The following TENM2 variants were observed in gnomAD, a reference collection of about 807,000 sequenced individuals.
The protein encoded by TENM2 is teneurin transmembrane protein 2.
Under a neutral mutation model 245.2 loss-of-function variants are expected in TENM2, and 52 were observed. The observed-to-expected ratio is 0.21, with a 90% CI of 0.17 to 0.27. The LOEUF (loss-of-function observed/expected upper bound fraction) is 0.27. Ranked by LOEUF, TENM2 falls within the 10% of genes least tolerant of loss-of-function variation. The probability of loss-of-function intolerance (pLI) is 1.00; values close to 1 mark genes in which losing one functional copy is unlikely to be tolerated. For synonymous variants in TENM2, 1,363 were observed against 1,438.9 expected (o/e 0.95, Z 1.19); for missense variants, 3,046 against 3,666.8 (o/e 0.83, Z 4.37).
At chr5:168,004,557 A>ACACACC (rs1491164482) in intron 5 of TENM2, among the ~76,000 whole-genome samples, 9 of 147,436 alleles carry the variant, frequency 6.1e-5, no homozygotes, top group African/African-American at 2.2e-4. Flanking sequence ...ACACACACAC[A>ACACACC]CCACTATCCC....
intron 25 of TENM2, among the ~76,000 whole-genome samples, chr5:168,231,714 A>AGGCAATATAG (rs1344663303): frequency 1.3e-5 from 2 of 151,962 alleles, no homozygotes; most frequent in Non-Finnish European, 2.9e-5. Context: ...AGACCAGCCT[A>AGGCAATATAG]GGCAATATAG....
At chr5:168,075,066 G>GTT (rs1358336846) in intron 7 of TENM2, among the ~76,000 whole-genome samples, 2 of 152,074 alleles carry the variant, frequency 1.3e-5, no homozygotes, top group Non-Finnish European at 2.9e-5. Flanking sequence ...CCAATGTGTA[G>GTT]TTTTTTTATC....
rs115866174 is a variant in TENM2 at position 167,413,952 on chromosome 5, A to G, written c.502+38479A>G. On this transcript the variant is annotated intron_variant, in intron 2 of 28. Coordinates refer to ENST00000518659, the Ensembl canonical transcript of TENM2. ...TCTCAGTAATGAACAAAGCTGTTGT[A>G]TATTGATGAAAGGAAAATTATTTGT... Among the ~76,000 whole-genome samples, 528 of 152,272 alleles carry G rather than the reference A, an allele frequency of 3.5e-3. 6 individuals carry two copies. Among genetic ancestry groups the G allele is most frequent in the African/African-American group, 0.012 (495 of 41,568 alleles).
intron 2 of TENM2, among the ~76,000 whole-genome samples, chr5:167,529,880 T>C (rs1771379294): frequency 6.6e-6 from 1 of 152,176 alleles, no homozygotes; most frequent in African/African-American, 2.4e-5. Flanking sequence ...TGTTTGAAGC[T>C]GTTGAGTGGA....
chr5:166,993,907 T>C, the TENM2 span, among the ~76,000 whole-genome samples: 1 of 152,244 alleles, frequency 6.6e-6, no homozygotes, highest in Non-Finnish European at 1.5e-5. Flanking sequence ...ATTTTTTGTG[T>C]GTGAGAGATG....
chr5:167,853,562 C>T (rs1393261407), intron 2 of TENM2, among the ~76,000 whole-genome samples: 1 of 151,980 alleles, frequency 6.6e-6, no homozygotes, highest in African/African-American at 2.4e-5. Flanking sequence ...GATTTTCTGG[C>T]GATGTTTCCT....
chr5:167,992,252 C>T (rs1252695106), intron 4 of TENM2, among the ~76,000 whole-genome samples: 1 of 151,354 alleles, frequency 6.6e-6, no homozygotes, highest in Non-Finnish European at 1.5e-5. Flanking sequence ...ACACCTGTAC[C>T]CCCAAAACTA....
At chr5:167,977,258 T>C (rs1782508385) in intron 4 of TENM2, among the ~76,000 whole-genome samples, 1 of 152,066 alleles carries the variant, frequency 6.6e-6, no homozygotes, top group African/African-American at 2.4e-5. Context: ...AAATAACCTG[T>C]ACACCAAACC....
chr5:167,821,904 G>A (rs1007359341), intron 2 of TENM2, among the ~76,000 whole-genome samples: 6 of 152,042 alleles, frequency 3.9e-5, no homozygotes, highest in South Asian at 2.1e-4. Context: ...CAAAAGCCCC[G>A]CGTACTTCTC....
intron 2 of TENM2, among the ~76,000 whole-genome samples, chr5:167,618,913 G>T (rs1009348256): frequency 6.6e-6 from 1 of 152,064 alleles, no homozygotes; most frequent in African/African-American, 2.4e-5. Context: ...GGGAGTTTAG[G>T]CAGTTCAGGT....
At chr5:168,192,521 T>A (rs1158291341) in intron 14 of TENM2, among the ~76,000 whole-genome samples, 1 of 152,242 alleles carries the variant, frequency 6.6e-6, no homozygotes, top group African/African-American at 2.4e-5. Context: ...TGCCCTGAAT[T>A]GCCATTCTTG....
At chr5:167,384,809 T>C (rs1407528994) in intron 2 of TENM2, among the ~76,000 whole-genome samples, 1 of 152,196 alleles carries the variant, frequency 6.6e-6, no homozygotes, top group African/African-American at 2.4e-5. Flanking sequence ...CCAGAAACCC[T>C]TATACCACAA....
At chr5:167,212,859 A>T in the TENM2 span, among the ~76,000 whole-genome samples, 6,263 of 152,296 alleles carry the variant, frequency 0.041, 176 homozygotes, top group South Asian at 0.071. Flanking sequence ...ATATGCACAT[A>T]GGAGGAGAGC....
At chr5:167,134,912 CATT>C in the TENM2 span, among the ~76,000 whole-genome samples, 1 of 152,152 alleles carries the variant, frequency 6.6e-6, no homozygotes, top group African/African-American at 2.4e-5. Flanking sequence ...ACAGAGGAAA[CATT>C]GTTGTACTCT....
chr5:167,943,379 G>T (rs758505153), intron 3 of TENM2, among the ~76,000 whole-genome samples: 1 of 151,966 alleles, frequency 6.6e-6, no homozygotes, highest in Non-Finnish European at 1.5e-5. Flanking sequence ...TTGGGGGAAA[G>T]CACTGTAAAC....
intron 2 of TENM2, among the ~76,000 whole-genome samples, chr5:167,818,833 C>T (rs1767274962): frequency 6.6e-6 from 1 of 152,102 alleles, no homozygotes; most frequent in Admixed American, 6.6e-5. Flanking sequence ...GGGTTGAATT[C>T]CTTAGTGGGG....
At chr5:167,519,519 A>T (rs2127580129) in intron 2 of TENM2, among the ~76,000 whole-genome samples, 2 of 152,300 alleles carry the variant, frequency 1.3e-5, no homozygotes, top group Admixed American at 1.3e-4. Context: ...TAAGGATTCT[A>T]GATCTGTAGT....
chr5:167,484,422 T>C (rs937208129), intron 2 of TENM2, among the ~76,000 whole-genome samples: 1 of 151,906 alleles, frequency 6.6e-6, no homozygotes, highest in Non-Finnish European at 1.5e-5. Flanking sequence ...AGAAGGACAA[T>C]GTGACGAGAT....
chr5:167,201,219 A>G, the TENM2 span, among the ~76,000 whole-genome samples: 1 of 152,338 alleles, frequency 6.6e-6, no homozygotes, highest in East Asian at 1.9e-4. Flanking sequence ...TACGTAGCCG[A>G]CAAAGTTAAT....
Sources: allele counts gnomAD v4.1 joint callset (sites outside exome capture counted in the v4.1 genomes callset), GRCh38; gene constraint gnomAD v4.1.1; transcripts MANE v1.5; gene names NCBI Gene and HGNC (gene_info 2026-07-23, HGNC 2026-07-21).